Variants in SLC66A2 observed in about 807,000 individuals in gnomAD.
SLC66A2 encodes the protein PQ loop repeat containing 1.
SLC66A2 carries 23 observed loss-of-function variants against 25.5 expected under a neutral mutation model. That is an observed-to-expected ratio of 0.90 (90% CI 0.65 to 1.28). The LOEUF is 1.28. SLC66A2 is among the 50% of genes most tolerant of loss of function. The probability of loss-of-function intolerance (pLI) is 0.00; values close to 1 mark genes in which losing one functional copy is unlikely to be tolerated. For missense variants in SLC66A2, 396 were observed against 373.1 expected (o/e 1.06, Z -0.51); for synonymous variants, 193 against 166.5 (o/e 1.16, Z -1.23).
chr18:79,907,521 T>G (rs1042650545), intron 5 of SLC66A2, among the ~76,000 whole-genome samples: 3 of 151,982 alleles, frequency 2.0e-5, no homozygotes, highest in African/African-American at 7.3e-5. Context: ...TCCGCTAATG[T>G]TTTGTATTTT....
rs137940507 is a variant in SLC66A2 at position 79,940,871 on chromosome 18, G to A, written c.337+2458C>T. Among the ~76,000 whole-genome samples the A allele has an allele frequency of 1.4e-4, 21 of 152,124 alleles. No homozygotes were observed. Among genetic ancestry groups the A allele is most frequent in the Admixed American group, 6.6e-5 (1 of 15,264 alleles). ...ACCCCAGGACACAGAGCTCAAGAGC[G>A]GATGTCCCACTTGAGGTCATTTGGG... is the stretch of plus-strand genomic sequence containing the variant. On this transcript the variant is annotated intron_variant, in intron 3 of 5. Transcript: ENST00000397778. This position sits in a 1 kb window ranked among gnomAD's most constrained non-coding sequence, Gnocchi z 4.1.
At chr18:79,950,539 T>G (rs1020309220) in intron 2 of SLC66A2, among the ~76,000 whole-genome samples, 185 bp downstream of exon 2, 2 of 152,126 alleles carry the variant, frequency 1.3e-5, no homozygotes, top group Admixed American at 1.3e-4. Flanking sequence ...CCACCGTTTT[T>G]CTGGAAAAAT....
intron 5 of SLC66A2, among the ~76,000 whole-genome samples, chr18:79,912,127 A>AGAGAGT (rs1983297657): frequency 3.1e-5 from 2 of 64,908 alleles, no homozygotes; most frequent in East Asian, 4.7e-4. Flanking sequence ...GGGAGCAGGG[A>AGAGAGT]GGGAGTGGGA....
rs1042582601 is a variant in SLC66A2 at position 79,918,546 on chromosome 18, C to T, written c.608+638G>A. On this transcript the variant is annotated intron_variant, in intron 5 of 5. Transcript: ENST00000397778. The surrounding 1 kb of genome is among the most constrained non-coding windows in gnomAD (Gnocchi z 4.0). The stretch of plus-strand genomic sequence containing the variant: ...GTGAGGGACTAGAGTTTTCTGCCCC[C>T]GCCACAGCGAGCAGATCTGTTTTTA... 2.0e-5 allele frequency among the ~76,000 whole-genome samples: 3 copies of T among 152,198 alleles called. No homozygotes were observed. The highest frequency in any genetic ancestry group is 4.8e-5 in the African/African-American group (2 of 41,444).
rs181238895 is a variant in SLC66A2 at position 79,927,671 on chromosome 18, C to A, written c.391+6298G>T. Among the ~76,000 whole-genome samples the A allele has an allele frequency of 5.2e-3, 787 of 152,254 alleles. 8 individuals carry two copies. Among genetic ancestry groups the A allele is most frequent in the Non-Finnish European group, 8.8e-3 (597 of 68,006 alleles). On this transcript the variant is annotated intron_variant, in intron 4 of 5. Transcript: ENST00000397778. This position sits in a 1 kb window ranked among gnomAD's most constrained non-coding sequence, Gnocchi z 6.2. ...GGAGTGACAGAGCCCCCGCCCCAACCCCAGTGAGTGGGACAGGCTGAGTGG... is the reference window on the plus strand; with the variant it reads ...GGAGTGACAGAGCCCCCGCCCCAACACCAGTGAGTGGGACAGGCTGAGTGG...
rs1259032203 is a variant in SLC66A2, at chr18:79,904,243, T to G, written c.609-60A>C. 9.7e-6 allele frequency: 14 copies of G among 1,439,706 alleles called. No homozygotes were observed. Among genetic ancestry groups the G allele is most frequent in the Middle Eastern group, 1.9e-4 (1 of 5,384 alleles). The allele number at this position is 1,439,706 out of a possible 1,614,324, so 89.2% of individuals were successfully genotyped here. ...AGGGCGGCGACCTGGGCTCAGTCAG[T>G]GGGGAGGCCTGGGGCTTAGACAGCG... On this transcript the variant is annotated intron_variant, in intron 5 of 5. Transcript: ENST00000397778. The surrounding 1 kb of genome is among the most constrained non-coding windows in gnomAD (Gnocchi z 6.3).
At chr18:79,925,565 C>T (rs1361669226) in intron 4 of SLC66A2, among the ~76,000 whole-genome samples, 1 of 152,242 alleles carries the variant, frequency 6.6e-6, no homozygotes, top group African/African-American at 2.4e-5. Context: ...TTCCGTCGCA[C>T]GGGCGTGGCT....
intron 2 of SLC66A2, among the ~76,000 whole-genome samples, chr18:79,948,757 G>A (rs2051016880): frequency 1.3e-5 from 2 of 152,128 alleles, no homozygotes; most frequent in Admixed American, 1.3e-4. Flanking sequence ...CCATTATTTT[G>A]GAGAGAATTT....
In SLC66A2 at chr18:79,937,478, T is replaced by A. The variant is rs1194222841; in HGVS notation, c.338-3456A>T. Among the ~76,000 whole-genome samples the A allele has an allele frequency of 2.0e-5, 3 of 152,172 alleles. No individual in the cohort carries two copies. Among genetic ancestry groups the A allele is most frequent in the Non-Finnish European group, 4.4e-5 (3 of 68,034 alleles). On this transcript the variant is annotated intron_variant, in intron 3 of 5. Transcript: ENST00000397778. The surrounding 1 kb of genome is among the most constrained non-coding windows in gnomAD (Gnocchi z 5.4). ...ATTGCAAGATGCTAGGGAACCAACT[T>A]TGAAAACTGGTAAAGAGACCCGCAT...
At position 79,927,523 on chromosome 18, in the gene SLC66A2, C is replaced by T. The variant is rs189395595; in HGVS notation, c.391+6446G>A. Among the ~76,000 whole-genome samples the T allele has an allele frequency of 3.3e-5, 5 of 152,288 alleles. No individual in the cohort carries two copies. The highest frequency in any genetic ancestry group is 2.1e-4 in the South Asian group (1 of 4,818). ...AAATGCCCTTCTTAGCCTTCGAGGC[C>T]GGCACTGGCCTCGCTGACCCCTCTA... On this transcript the variant is annotated intron_variant, in intron 4 of 5. Transcript: ENST00000397778. This position sits in a 1 kb window ranked among gnomAD's most constrained non-coding sequence, Gnocchi z 6.2.
chr18:79,939,607 C>T (rs905066533), intron 3 of SLC66A2, among the ~76,000 whole-genome samples: 2 of 152,006 alleles, frequency 1.3e-5, no homozygotes, highest in Middle Eastern at 3.2e-3. Flanking sequence ...GACATACATG[C>T]GGCCAACAAG....
rs565021042 is a variant in SLC66A2, at chr18:79,925,621, G to T, written c.392-6221C>A. ...TCTCTTCCAGCACCCCCCATGGGGA[G>T]CCCTGTGGGAACAGACCAGCTCCAG... On this transcript the variant is annotated intron_variant, in intron 4 of 5. Coordinates refer to ENST00000397778, the MANE Select transcript of SLC66A2 (RefSeq NM_025078.5). Among the ~76,000 whole-genome samples, 115 of 152,362 alleles carry T rather than the reference G, an allele frequency of 7.5e-4. 1 individual carries two copies. The highest frequency in any genetic ancestry group is 2.7e-3 in the African/African-American group (112 of 41,590).
chr18:79,927,644 G>C lies in SLC66A2; in HGVS notation c.391+6325C>G, dbSNP rs1044311394. ...AGAGAGACCCACATCAGAGACCCTC[G>C]GGGAGTGACAGAGCCCCCGCCCCAA... is the stretch of plus-strand genomic sequence containing the variant. On this transcript the variant is annotated intron_variant, in intron 4 of 5. Transcript: ENST00000397778. The surrounding 1 kb of genome is among the most constrained non-coding windows in gnomAD (Gnocchi z 6.2). Among the ~76,000 whole-genome samples the C allele has an allele frequency of 2.6e-5, 4 of 152,068 alleles. No homozygotes were observed. Among genetic ancestry groups the C allele is most frequent in the African/African-American group, 9.7e-5 (4 of 41,414 alleles).
intron 5 of SLC66A2, among the ~76,000 whole-genome samples, chr18:79,907,497 G>T (rs796816270): frequency 2.0e-5 from 3 of 151,650 alleles, no homozygotes; most frequent in Non-Finnish European, 4.4e-5. Flanking sequence ...GACTACAGGC[G>T]CCCGCCACCA....
chr18:79,921,832 G>T (rs867405535), intron 4 of SLC66A2, among the ~76,000 whole-genome samples: 30 of 91,182 alleles, frequency 3.3e-4, no homozygotes, highest in East Asian at 4.1e-4. Context: ...CAGGGTCAGA[G>T]GAGGAGAGAC....
chr18:79,950,681 C>G (rs983420811), intron 2 of SLC66A2, 43 bp downstream of exon 2: 1 of 1,597,502 alleles, frequency 6.3e-7, no homozygotes, highest in South Asian at 1.1e-5. Flanking sequence ...AGGAGAAACC[C>G]TCTTCTCCGG....
intron 3 of SLC66A2, among the ~76,000 whole-genome samples, chr18:79,939,960 T>C (rs1987501768): frequency 6.6e-6 from 1 of 152,202 alleles, no homozygotes; most frequent in Non-Finnish European, 1.5e-5. Flanking sequence ...GACTTGGAAT[T>C]AACCTAAATG....
At chr18:79,925,493 G>A (rs990668542) in intron 4 of SLC66A2, among the ~76,000 whole-genome samples, 7 of 152,194 alleles carry the variant, frequency 4.6e-5, no homozygotes, top group Non-Finnish European at 1.0e-4. Flanking sequence ...TCCAGGCTTG[G>A]GGGGCTCACC....
rs2051096300 is a variant in SLC66A2, at chr18:79,950,855, G to A, written c.72C>T (p.Ala24=). The part of the protein sequence containing the change: ...HQLVSWGAAA[A]MVFGGVVPYV... ...AGGGCACCACCCCTCCGAAGACCAT[G>A]GCCGCGGCCGCGCCCCAGGACACCA... is the stretch of plus-strand genomic sequence containing the variant. The change falls in exon 2 of 6, where the codon GCC becomes GCT. Residue 24 remains alanine, a synonymous_variant. Transcript: ENST00000397778. The A allele has an allele frequency of 6.2e-7, 1 of 1,609,608 alleles. No homozygotes were observed. Among genetic ancestry groups the A allele is most frequent in the Non-Finnish European group, 8.5e-7 (1 of 1,178,644 alleles).
Sources: allele counts gnomAD v4.1 joint callset (sites outside exome capture counted in the v4.1 genomes callset), GRCh38; gene constraint gnomAD v4.1.1; non-coding constraint Gnocchi (gnomAD v3.1); transcripts MANE v1.5; gene names NCBI Gene and HGNC (gene_info 2026-07-23, HGNC 2026-07-21).